CD86: variants seen among roughly 807,000 people sequenced by gnomAD.
The protein encoded by CD86 is CD86 molecule.
A neutral mutation model predicts 32.1 loss-of-function variants in CD86; 11 were observed. The observed-to-expected ratio is 0.34, with a 90% CI of 0.22 to 0.57. The LOEUF is 0.57. Among genes scored for constraint, CD86 ranks in the 20% least tolerant of loss-of-function variants. The pLI, the probability that CD86 is intolerant of heterozygous loss-of-function variation, is 0.86. For missense variants in CD86, 359 were observed against 398.4 expected, an observed-to-expected ratio of 0.90 and a Z score of 0.84; for synonymous variants, 137 against 135.3, an observed-to-expected ratio of 1.01 and a Z score of -0.09.
intron 1 of CD86, among the ~76,000 whole-genome samples, chr3:122,062,057 A>G (rs1039107847): frequency 1.3e-5 from 2 of 152,072 alleles, no homozygotes; most frequent in South Asian, 2.1e-4. Context: ...TTTTGAATCA[A>G]TAATTATTTA....
intron 1 of CD86, 86 bp from the exon 2 acceptor site, chr3:122,091,515 C>A: frequency 9.3e-7 from 1 of 1,075,658 alleles, no homozygotes; most frequent in Non-Finnish European, 1.4e-6. Flanking sequence ...GAATCCCAAA[C>A]TCCACGTCCA....
intron 1 of CD86, among the ~76,000 whole-genome samples, chr3:122,060,721 GA>G: frequency 6.6e-6 from 1 of 152,154 alleles, no homozygotes; most frequent in South Asian, 2.1e-4. Context: ...AGGATTTCTG[GA>G]AGAAAATAAT....
rs944542054 is a variant in CD86 at position 122,119,862 on chromosome 3, G to T, written c.*328G>T. 4.0e-5 allele frequency: 7 copies of T among 176,848 alleles called. No individual in the cohort carries two copies. Among genetic ancestry groups the T allele is most frequent in the African/African-American group, 4.8e-5 (2 of 41,630 alleles). 11.0% of individuals were successfully genotyped at this position (176,848 alleles called of 1,614,324 possible). On this transcript the variant is annotated 3_prime_UTR_variant, in exon 7 of 7. Transcript: ENST00000330540. ...TTCTTCTCTTAATTTCATAGATTGT[G>T]TTTTTTTTTTAAATAGACCTCTCAA...
At chr3:122,075,891 G>A (rs2072548367) in intron 1 of CD86, among the ~76,000 whole-genome samples, 1 of 152,194 alleles carries the variant, frequency 6.6e-6, no homozygotes, top group Non-Finnish European at 1.5e-5. Flanking sequence ...CTATTGCCAG[G>A]ATCTGTGCTA....
chr3:122,065,278 G>T (rs897620781), intron 1 of CD86, among the ~76,000 whole-genome samples: 1 of 152,168 alleles, frequency 6.6e-6, no homozygotes, highest in Non-Finnish European at 1.5e-5. Context: ...AGAGAGCTGT[G>T]TTGAGCCATG....
chr3:122,091,806 G>A, intron 2 of CD86, 156 bp downstream of exon 2: 1 of 661,364 alleles, frequency 1.5e-6, no homozygotes, highest in Non-Finnish European at 2.7e-6. Context: ...TGGAGAAGAA[G>A]GAAGTGTTAT....
At chr3:122,086,691 C>G (rs1374504977) in intron 1 of CD86, 1 of 446,556 alleles carries the variant, frequency 2.2e-6, no homozygotes, top group Non-Finnish European at 4.5e-6. Context: ...TGAACAGCAG[C>G]TCAGGGCAGA....
intron 2 of CD86, among the ~76,000 whole-genome samples, chr3:122,096,216 C>T (rs2072904395): frequency 6.6e-6 from 1 of 152,116 alleles, no homozygotes; most frequent in Non-Finnish European, 1.5e-5. Flanking sequence ...TAAGTACATG[C>T]CACCATGCCT....
intron 1 of CD86, among the ~76,000 whole-genome samples, chr3:122,083,820 T>G (rs539634316): frequency 1.3e-5 from 2 of 152,340 alleles, no homozygotes; most frequent in African/African-American, 4.8e-5. Context: ...ATTTAAAATA[T>G]TCGTTAATAA....
At chr3:122,059,808 G>A (rs1016235637) in intron 1 of CD86, among the ~76,000 whole-genome samples, 2 of 152,120 alleles carry the variant, frequency 1.3e-5, no homozygotes, top group Admixed American at 6.5e-5. Context: ...GGTCATTAGG[G>A]TGGGTCCTAA....
chr3:122,091,779 TG>T (rs1559906408), intron 2 of CD86, 129 bp downstream of exon 2: 2 of 728,448 alleles, frequency 2.7e-6, no homozygotes, highest in Non-Finnish European at 4.8e-6. Context: ...CAAGACCACA[TG>T]CAAAAAAGAC....
At chr3:122,057,163 T>C (rs1024278629) in intron 1 of CD86, among the ~76,000 whole-genome samples, 1 of 152,242 alleles carries the variant, frequency 6.6e-6, no homozygotes, top group Non-Finnish European at 1.5e-5. Context: ...CTAGTGGTGA[T>C]ATCATCTTTC....
intron 1 of CD86, among the ~76,000 whole-genome samples, chr3:122,060,308 A>G (rs2072315066): frequency 6.6e-6 from 1 of 152,202 alleles, no homozygotes; most frequent in South Asian, 2.1e-4. Context: ...GAACACTCCC[A>G]GTTGAGTGGA....
chr3:122,100,644 T>G (rs530583296), intron 2 of CD86, among the ~76,000 whole-genome samples: 1 of 152,248 alleles, frequency 6.6e-6, no homozygotes, highest in East Asian at 1.9e-4. Flanking sequence ...GGCTAGCAAA[T>G]TACAGTTTTT....
In CD86 at chr3:122,119,971, A is replaced by T; in HGVS notation, c.*437A>T. 1 of 169,384 alleles carries T rather than the reference A, an allele frequency of 5.9e-6. No homozygotes were observed. The highest frequency in any genetic ancestry group is 1.2e-5 in the Non-Finnish European group (1 of 81,032). 10.5% of individuals were successfully genotyped at this position (169,384 alleles called of 1,614,324 possible). Reference sequence around the variant, plus strand: ...TGTGTGTACCTGTGACTAAACAACTACCTCCTCAGTCTGGGTGGGACTTAT... The same window carrying T: ...TGTGTGTACCTGTGACTAAACAACTTCCTCCTCAGTCTGGGTGGGACTTAT... On this transcript the variant is annotated 3_prime_UTR_variant, in exon 7 of 7. Transcript: ENST00000330540.
intron 5 of CD86, 128 bp from the exon 6 acceptor site, chr3:122,117,920 A>T: frequency 2.7e-6 from 2 of 736,006 alleles, no homozygotes; most frequent in South Asian, 3.4e-5. Flanking sequence ...TTGAGTAACT[A>T]TCTCTTCCAT....
At chr3:122,118,566 G>A (rs911987301) in intron 6 of CD86, among the ~76,000 whole-genome samples, 1 of 152,160 alleles carries the variant, frequency 6.6e-6, no homozygotes, top group Non-Finnish European at 1.5e-5. Context: ...CTTGCCTCAA[G>A]CAGCACTTTC....
intron 1 of CD86, among the ~76,000 whole-genome samples, chr3:122,063,593 T>A (rs2681407): frequency 0.96 from 142,228 of 148,272 alleles, 68,108 homozygotes; most frequent in South Asian, 0.99. Context: ...CATAGAAAGA[T>A]TTTTTTTTTT....
intron 1 of CD86, among the ~76,000 whole-genome samples, chr3:122,068,556 T>G (rs2072445945): frequency 1.3e-5 from 2 of 152,232 alleles, no homozygotes; most frequent in South Asian, 4.1e-4. Flanking sequence ...AATATTGGTT[T>G]AATATTCTCA....
Sources: allele counts gnomAD v4.1 joint callset (sites outside exome capture counted in the v4.1 genomes callset), GRCh38; gene constraint gnomAD v4.1.1; transcripts MANE v1.5; gene names NCBI Gene and HGNC (gene_info 2026-07-23, HGNC 2026-07-21).